The following CYB5R2 variants were observed in gnomAD, a reference collection of about 807,000 sequenced individuals.
CYB5R2 encodes the protein cytochrome b5 reductase 2.
Under a neutral mutation model 29.8 loss-of-function variants are expected in CYB5R2, and 35 were observed. That is an observed-to-expected ratio of 1.17 (90% confidence interval 0.90 to 1.56). The LOEUF (loss-of-function observed/expected upper bound fraction) is 1.56. Among genes scored for constraint, CYB5R2 ranks in the 40% most tolerant of loss-of-function variants. The pLI is 0.00. For missense variants in CYB5R2, 419 were observed against 346.7 expected (o/e 1.21, Z -1.66); for synonymous variants, 169 against 130.6 (o/e 1.29, Z -2.01).
chr11:7,673,845 G>A, upstream of CYB5R2: 1 of 987,990 alleles, frequency 1.0e-6, no homozygotes, highest in Non-Finnish European at 1.2e-6. Flanking sequence ...CCGAGACCCG[G>A]ACACGCACGC....
At position 7,668,778 on chromosome 11, in the gene CYB5R2, G is replaced by A. The variant is rs568577815; in HGVS notation, c.389-217C>T. On this transcript the variant is annotated intron_variant, in intron 5 of 8. Coordinates refer to ENST00000299498, the MANE Select transcript of CYB5R2 (RefSeq NM_016229.5). Reference sequence around the variant, plus strand: ...AGAGCCTGGGCTTGGTCGGGGAATCGCCGGGCCTTCTGTTCTGAGGAAAAA... The same window carrying A: ...AGAGCCTGGGCTTGGTCGGGGAATCACCGGGCCTTCTGTTCTGAGGAAAAA... 370 of 606,000 alleles carry A rather than the reference G, an allele frequency of 6.1e-4. 6 individuals are homozygous for A. The South Asian group carries it at 7.0e-3, about 11-fold the overall frequency. 37.5% of individuals were successfully genotyped at this position (606,000 alleles called of 1,614,324 possible).
chr11:7,667,617 C>T (rs982057706), intron 7 of CYB5R2, 111 bp downstream of exon 7: 6 of 1,034,496 alleles, frequency 5.8e-6, no homozygotes, highest in Non-Finnish European at 9.0e-6. Flanking sequence ...AGCCCTCCCA[C>T]AGATGCAGGC....
intron 3 of CYB5R2, 95 bp downstream of exon 3, chr11:7,672,356 A>G (rs1353075872): frequency 3.8e-6 from 4 of 1,065,344 alleles, no homozygotes; most frequent in Non-Finnish European, 5.6e-6. Flanking sequence ...GGCATCTTCC[A>G]CACCTCAGGA....
intron 6 of CYB5R2, 23 bp downstream of exon 6, chr11:7,668,455 T>C (rs537414615): frequency 6.3e-7 from 1 of 1,575,298 alleles, no homozygotes; most frequent in South Asian, 1.1e-5. Flanking sequence ...ACTCTCTGGA[T>C]GGAGCCCCTA....
At position 7,669,190 on chromosome 11, in the gene CYB5R2, TA is replaced by T; in HGVS notation, c.388+14del. On this transcript the variant is annotated intron_variant, in intron 5 of 8. Coordinates refer to ENST00000299498, the MANE Select transcript of CYB5R2 (RefSeq NM_016229.5). ...TCCTCCCAGCTGGGAGCCCAAGTAT[TA>T]ACCCCTCCAGTACCTGGCCCATGGT... 1 of 1,614,142 alleles carries T rather than the reference TA, an allele frequency of 6.2e-7. No homozygotes were observed. Among genetic ancestry groups the T allele is most frequent in the Non-Finnish European group, 8.5e-7 (1 of 1,179,994 alleles).
At chr11:7,666,917 G>A (rs1169224687) in intron 7 of CYB5R2, 1 of 181,050 alleles carries the variant, frequency 5.5e-6, no homozygotes, top group African/African-American at 2.4e-5. Flanking sequence ...ACTGGAACAA[G>A]CTCAGTGCAG....
intron 8 of CYB5R2, 184 bp from the exon 9 acceptor site, chr11:7,665,730 CA>C: frequency 2.1e-5 from 25 of 1,205,036 alleles, no homozygotes; most frequent in Non-Finnish European, 2.7e-5. Flanking sequence ...CTGCAGCAAT[CA>C]CCCCAGGTCC....
chr11:7,668,950 A>G (rs1387134904), intron 5 of CYB5R2: 1 of 637,050 alleles, frequency 1.6e-6, no homozygotes, highest in South Asian at 1.7e-5. Flanking sequence ...CCATTTATGT[A>G]TCAGGCATTG....
At position 7,665,399 on chromosome 11, in the gene CYB5R2, G is replaced by T. The variant is rs775516967; in HGVS notation, c.806C>A (p.Thr269Asn). 6.3e-7 allele frequency: 1 copy of T among 1,598,564 alleles called. No homozygotes were observed. The highest frequency in any genetic ancestry group is 8.5e-7 in the Non-Finnish European group (1 of 1,173,632). Residue 269 changes from threonine to asparagine, a missense_variant, in exon 9 of 9, where the codon ACC becomes AAC. Physicochemically the swap from Thr to Asn is moderately conservative, Grantham distance 65. Transcript: ENST00000299498. ...TTAGTAGGTGAAAATCATGTCCTGG[G>T]TATAACCCAGCTTCTCCAGGTTAGG... Reference protein sequence around the residue: ...AHPNLEKLGYTQDMIFTY With the variant: ...AHPNLEKLGYNQDMIFTY
At chr11:7,674,258 G>A (rs760659847), upstream of CYB5R2, 17 of 1,288,838 alleles carry the variant, frequency 1.3e-5, no homozygotes, top group South Asian at 1.7e-4. Context: ...CTGGTCCGGG[G>A]CGGGTGTTTG....
At chr11:7,672,325 C>A in intron 3 of CYB5R2, 126 bp downstream of exon 3, 1 of 746,486 alleles carries the variant, frequency 1.3e-6, no homozygotes, top group East Asian at 2.6e-5. Context: ...CCTGAGCTCA[C>A]AGGCTCAGGA....
At position 7,667,765 on chromosome 11, in the gene CYB5R2, C is replaced by T. The variant is rs770860511; in HGVS notation, c.521G>A (p.Ser174Asn). 6.2e-7 allele frequency: 1 copy of T among 1,614,210 alleles called. No individual in the cohort carries two copies. Among genetic ancestry groups the T allele is most frequent in the Admixed American group, 1.7e-5 (1 of 60,028 alleles). The change falls in exon 7 of 9, where the codon AGT becomes AAT. Residue 174 changes from serine (S) to asparagine (N), a missense_variant. By Grantham distance (46) the Ser-to-Asn change is conservative. Coordinates refer to ENST00000299498, the MANE Select transcript of CYB5R2 (RefSeq NM_016229.5). Reference sequence around the variant, plus strand: ...GATGAGGGACATCCTGGTCCTGTCACTGGGGTCCTTGGTGATGTGGCGAAT... The same window carrying T: ...GATGAGGGACATCCTGGTCCTGTCATTGGGGTCCTTGGTGATGTGGCGAAT... ...QLIRHITKDPSDRTRMSLIFA... is the reference protein window; with the variant it reads ...QLIRHITKDPNDRTRMSLIFA...
At chr11:7,667,672 A>ATGCT in intron 7 of CYB5R2, 56 bp downstream of exon 7, 2 of 1,481,544 alleles carry the variant, frequency 1.3e-6, no homozygotes, top group African/African-American at 2.8e-5. Context: ...AATGAAAACA[A>ATGCT]GAGCCCAGCT....
In CYB5R2 at chr11:7,665,324, T is replaced by TCTGAAA. The variant is rs1218078171; in HGVS notation, c.*44_*49dup. On this transcript the variant is annotated 3_prime_UTR_variant, in exon 9 of 9. Transcript: ENST00000299498. ...TTTACCGTGGTGAAATTGAACTTACTCTGAAACAGATGAAAAGGGACATGC... is the reference window on the plus strand; with the variant it reads ...TTTACCGTGGTGAAATTGAACTTACTCTGAAACTGAAACAGATGAAAAGGGACATGC... 1 of 1,420,480 alleles carries TCTGAAA rather than the reference T, an allele frequency of 7.0e-7. No homozygotes were observed. The highest frequency in any genetic ancestry group is 9.4e-7 in the Non-Finnish European group (1 of 1,063,372). 88.0% of individuals were successfully genotyped at this position (1,420,480 alleles called of 1,614,324 possible). A position where few individuals can be genotyped will look rare whatever the true frequency, so the allele number is the denominator to read the frequency against.
In CYB5R2 at chr11:7,668,587, C is replaced by A; in HGVS notation, c.389-26G>T. 7 of 1,576,910 alleles carry A rather than the reference C, an allele frequency of 4.4e-6. No homozygotes were observed. The Middle Eastern group carries it at 1.2e-3, about 263-fold the overall frequency. Reference sequence around the variant, plus strand: ...CTGGAAACACAGAGAATGCTTATGACCTCTGCAGTTCTTGCCTAAAGAGAC... The same window carrying A: ...CTGGAAACACAGAGAATGCTTATGAACTCTGCAGTTCTTGCCTAAAGAGAC... On this transcript the variant is annotated intron_variant, in intron 5 of 8. Transcript: ENST00000299498.
At position 7,665,998 on chromosome 11, in the gene CYB5R2, T is replaced by C. The variant is rs1855155127; in HGVS notation, c.659-452A>G. 7.2e-6 allele frequency: 9 copies of C among 1,243,970 alleles called. No individual in the cohort carries two copies. The Admixed American group carries it at 1.8e-4, about 25-fold the overall frequency. The allele number at this position is 1,243,970 out of a possible 1,614,324, so 77.1% of individuals were successfully genotyped here. A position where few individuals can be genotyped will look rare whatever the true frequency, so the allele number is the denominator to read the frequency against. On this transcript the variant is annotated intron_variant, in intron 8 of 8. Transcript: ENST00000299498. ...TGAGAGGCGCGCCTGTGGGGTGCTCTGTGCACAGTGGTTGCTGGGATGCTG... is the reference window on the plus strand; with the variant it reads ...TGAGAGGCGCGCCTGTGGGGTGCTCCGTGCACAGTGGTTGCTGGGATGCTG...
upstream of CYB5R2, chr11:7,673,910 C>T (rs1468891135): frequency 1.0e-6 from 1 of 999,978 alleles, no homozygotes; most frequent in Non-Finnish European, 1.2e-6. Flanking sequence ...GGCGGCTGGC[C>T]CGCTCCCCGA....
intron 3 of CYB5R2, chr11:7,670,804 G>A (rs975215063): frequency 6.6e-5 from 10 of 152,192 alleles, no homozygotes; most frequent in African/African-American, 2.4e-4. Flanking sequence ...GCAATCAAGA[G>A]ATACTAAGAG....
chr11:7,673,921 G>A, upstream of CYB5R2: 1 of 999,922 alleles, frequency 1.0e-6, no homozygotes, highest in Non-Finnish European at 1.2e-6. Context: ...CGCTCCCCGA[G>A]AAGGGCCGTG....
Sources: allele counts gnomAD v4.1 joint callset, GRCh38; gene constraint gnomAD v4.1.1; transcripts MANE v1.5; gene names NCBI Gene and HGNC (gene_info 2026-07-23, HGNC 2026-07-21).